Variants in USP42 observed in about 807,000 individuals in gnomAD.
USP42 encodes the protein ubiquitin carboxyl-terminal hydrolase 42.
In USP42, 23 loss-of-function variants were observed where a neutral mutation model predicts 113.0. The ratio of observed to expected loss-of-function variants is 0.20; its 90% CI spans 0.15 to 0.29. The LOEUF (loss-of-function observed/expected upper bound fraction) is 0.29. Among genes scored for constraint, USP42 ranks in the 10% least tolerant of loss-of-function variants. The probability of loss-of-function intolerance (pLI) is 1.00; values close to 1 mark genes in which losing one functional copy is unlikely to be tolerated. For missense variants in USP42, 2,174 were observed against 1,779.8 expected (o/e 1.22, Z -3.99); for synonymous variants, 933 against 699.0 (o/e 1.33, Z -5.28).
At chr7:6,146,125 C>A in intron 10 of USP42, 23 bp from the exon 11 acceptor site, 1 of 1,455,292 alleles carries the variant, frequency 6.9e-7, no homozygotes, top group Non-Finnish European at 9.4e-7. Context: ...TAATCTCTCT[C>A]TTTTATTGGC....
At chr7:6,118,768 C>A (rs763337470) in intron 3 of USP42, among the ~76,000 whole-genome samples, 5 of 151,944 alleles carry the variant, frequency 3.3e-5, no homozygotes, top group Admixed American at 3.3e-4. Flanking sequence ...TGTCTTTGCA[C>A]CTTTATCAAA....
Position 6,150,181 on chromosome 7 carries a change from G to C in USP42, c.1985G>C (p.Ser662Thr). 1.9e-6 allele frequency: 3 copies of C among 1,613,962 alleles called. No individual in the cohort carries two copies. Among genetic ancestry groups the C allele is most frequent in the Non-Finnish European group, 2.5e-6 (3 of 1,179,892 alleles). The change falls in exon 13 of 18, where the codon AGT becomes ACT. Residue 662 changes from serine to threonine, a missense_variant. Physicochemically the swap from Ser to Thr is moderately conservative, Grantham distance 58. Coordinates refer to ENST00000306177, the MANE Select transcript of USP42 (RefSeq NM_032172.3). ...CCCATGACCCTAAACGGTGCTAATA[G>C]TGCAGACAGCGACAGTGACCCGAAA... is the stretch of plus-strand genomic sequence containing the variant. Reference protein sequence around the residue: ...QEPMTLNGANSADSDSDPKEN... With the variant: ...QEPMTLNGANTADSDSDPKEN...
intron 14 of USP42, among the ~76,000 whole-genome samples, chr7:6,152,109 T>C (rs1782097635): frequency 6.6e-6 from 1 of 152,220 alleles, no homozygotes; most frequent in African/African-American, 2.4e-5. Context: ...GAATTTGTCA[T>C]GCAGCGTCAG....
In USP42 at chr7:6,161,353, T is replaced by C. The variant is rs895083141; in HGVS notation, c.*835T>C. 6.6e-6 allele frequency: 1 copy of C among 152,606 alleles called. No homozygotes were observed. Among genetic ancestry groups the C allele is most frequent in the Non-Finnish European group, 1.5e-5 (1 of 68,032 alleles). 9.5% of individuals were successfully genotyped at this position (152,606 alleles called of 1,614,324 possible). On this transcript the variant is annotated 3_prime_UTR_variant, in exon 18 of 18. Coordinates refer to ENST00000306177, the MANE Select transcript of USP42 (RefSeq NM_032172.3). ...ATGCTATCAAACTGTGATACACTTATAATTCACTGGTCCTGCATCAGGAGA... is the reference window on the plus strand; with the variant it reads ...ATGCTATCAAACTGTGATACACTTACAATTCACTGGTCCTGCATCAGGAGA...
upstream of USP42, among the ~76,000 whole-genome samples, chr7:6,100,407 T>G (rs1790085004): frequency 6.6e-6 from 1 of 150,524 alleles, no homozygotes; most frequent in Admixed American, 6.6e-5. Context: ...TCAGCTCATT[T>G]CAACCTCCGC....
At chr7:6,140,270 G>C (rs752587116) in intron 6 of USP42, 75 bp downstream of exon 6, 17 of 1,355,118 alleles carry the variant, frequency 1.3e-5, no homozygotes, top group Non-Finnish European at 1.6e-5. Flanking sequence ...GACAGGGTTA[G>C]TCCTACTAGG....
chr7:6,101,895 A>G (rs184487934), upstream of USP42, among the ~76,000 whole-genome samples: 4,979 of 148,444 alleles, frequency 0.034, 502 homozygotes, highest in African/African-American at 0.12. Context: ...CCTGACCAAC[A>G]TGGTGAAACC....
intron 3 of USP42, among the ~76,000 whole-genome samples, chr7:6,133,516 TTTG>T (rs1016143821): frequency 6.6e-6 from 1 of 152,142 alleles, no homozygotes; most frequent in Non-Finnish European, 1.5e-5. Context: ...GTTATTGTTG[TTTG>T]TTTTTATTTT....
rs768176081 is a variant in USP42, at chr7:6,153,960, G to A, written c.2406G>A (p.Pro802=). The stretch of plus-strand genomic sequence containing the variant: ...TGGCCGTCGCCCCCGAGGAGCCTCC[G>A]CCCAGCGCCGGCGAGGACATCGTGG... ...EAMAVAPEEP[P]PSAGEDIVGD... The change falls in exon 15 of 18, where the codon CCG becomes CCA. Residue 802 remains proline, a synonymous_variant. Transcript: ENST00000306177. 1.9e-6 allele frequency: 3 copies of A among 1,595,734 alleles called. No homozygotes were observed. The highest frequency in any genetic ancestry group is 2.2e-5 in the East Asian group (1 of 44,496).
At chr7:6,090,797 A>G in the USP42 span, among the ~76,000 whole-genome samples, 1 of 145,052 alleles carries the variant, frequency 6.9e-6, no homozygotes, top group Non-Finnish European at 1.5e-5. Context: ...CATAATATAT[A>G]TAACATATAG....
intron 3 of USP42, among the ~76,000 whole-genome samples, chr7:6,127,352 C>G (rs1310186162): frequency 6.6e-6 from 1 of 152,066 alleles, no homozygotes; most frequent in Non-Finnish European, 1.5e-5. Flanking sequence ...TTTAATATCT[C>G]TTTGCCTAGC....
intron 3 of USP42, among the ~76,000 whole-genome samples, chr7:6,134,527 C>G (rs893879965): frequency 6.6e-6 from 1 of 152,078 alleles, no homozygotes; most frequent in African/African-American, 2.4e-5. Context: ...GTCTGGGTAG[C>G]CTTTAGTCAG....
chr7:6,091,974 ATTT>A, the USP42 span, among the ~76,000 whole-genome samples: 2,132 of 108,550 alleles, frequency 0.02, 122 homozygotes, highest in African/African-American at 0.037. Context: ...TCAAGGACGT[ATTT>A]TTTCTTCTTC....
At position 6,149,625 on chromosome 7, in the gene USP42, C is replaced by T. The variant is rs1318670705; in HGVS notation, c.1429C>T (p.Pro477Ser). 1.9e-6 allele frequency: 3 copies of T among 1,613,930 alleles called. No homozygotes were observed. Among genetic ancestry groups the T allele is most frequent in the Non-Finnish European group, 2.5e-6 (3 of 1,179,876 alleles). ...TGGGACTGGACCATTGAAAGACACG[C>T]CAAGCAGTTCCATGTCGAGTCCTAA... ...LNGTGPLKDT[P>S]SSSMSSPNGN... is the part of the protein sequence containing the mutation. Residue 477 changes from proline to serine, a missense_variant, in exon 13 of 18, where the codon CCA becomes TCA. Transcript: ENST00000306177.
chr7:6,138,800 A>G (rs1213447521), intron 4 of USP42, among the ~76,000 whole-genome samples: 1 of 152,168 alleles, frequency 6.6e-6, no homozygotes, highest in Non-Finnish European at 1.5e-5. Context: ...GGAGAATCTC[A>G]TGCCTGATGA....
At chr7:6,141,165 G>GT (rs1197271635) in intron 7 of USP42, among the ~76,000 whole-genome samples, 181 bp downstream of exon 7, 8 of 136,324 alleles carry the variant, frequency 5.9e-5, no homozygotes, top group South Asian at 2.4e-4. Flanking sequence ...AGCTTTTAAA[G>GT]TTTTTTTATT....
chr7:6,083,721 G>A, the USP42 span, among the ~76,000 whole-genome samples: 1 of 150,806 alleles, frequency 6.6e-6, no homozygotes, highest in Non-Finnish European at 1.5e-5. Context: ...ATAGTATTAT[G>A]TGGCGTTTAT....
chr7:6,154,106 C>T lies in USP42; in HGVS notation c.2552C>T (p.Ala851Val), dbSNP rs780979124. ...CCGCGGGACTCGGCGTTGGCGGAAGCCCCGGAAGGGTTGAGTCCGGCTCCG... is the reference window on the plus strand; with the variant it reads ...CCGCGGGACTCGGCGTTGGCGGAAGTCCCGGAAGGGTTGAGTCCGGCTCCG... ...EGPRDSALAE[A>V]PEGLSPAPPA... Residue 851 changes from alanine (A) to valine (V), a missense_variant, in exon 15 of 18, where the codon GCC becomes GTC. Transcript: ENST00000306177. 1.9e-6 allele frequency: 3 copies of T among 1,603,820 alleles called. No homozygotes were observed. Among genetic ancestry groups the T allele is most frequent in the African/African-American group, 1.3e-5 (1 of 74,996 alleles).
rs530081113 is a variant in USP42 at position 6,111,458 on chromosome 7, A to G, written c.241+84A>G. 2.8e-5 allele frequency: 43 copies of G among 1,521,336 alleles called. No homozygotes were observed. In the African/African-American group the frequency reaches 5.1e-4, roughly 18 times the overall value. 94.2% of individuals were successfully genotyped at this position (1,521,336 alleles called of 1,614,324 possible). A position where few individuals can be genotyped will look rare whatever the true frequency, so the allele number is the denominator to read the frequency against. On this transcript the variant is annotated intron_variant, in intron 2 of 17. Coordinates refer to ENST00000306177, the MANE Select transcript of USP42 (RefSeq NM_032172.3). Reference sequence around the variant, plus strand: ...GCTTGGTGGTTTCAGAGAGGGGCTTATTTTGCAAGGCGTGAGGCCACCTGA... The same window carrying G: ...GCTTGGTGGTTTCAGAGAGGGGCTTGTTTTGCAAGGCGTGAGGCCACCTGA...
Sources: allele counts gnomAD v4.1 joint callset (sites outside exome capture counted in the v4.1 genomes callset), GRCh38; gene constraint gnomAD v4.1.1; transcripts MANE v1.5; gene names NCBI Gene and HGNC (gene_info 2026-07-23, HGNC 2026-07-21).